Variants in NEB observed in about 807,000 individuals in gnomAD.
NEB encodes nebulin.
Under a neutral mutation model 952.2 loss-of-function variants are expected in NEB, and 512 were observed. That is an observed-to-expected ratio of 0.54 (90% CI 0.50 to 0.58). The LOEUF is 0.58. Ranked by LOEUF, NEB falls within the 20% of genes least tolerant of loss-of-function variation. The probability of loss-of-function intolerance (pLI) is 0.00; values close to 1 mark genes in which losing one functional copy is unlikely to be tolerated. For missense variants in NEB, 8,428 were observed against 9,231.1 expected (o/e 0.91, Z 3.56); for synonymous variants, 2,900 against 3,149.8 (o/e 0.92, Z 2.66).
chr2:151,681,624 A>G (rs2099414489), intron 29 of NEB, among the ~76,000 whole-genome samples: 1 of 152,192 alleles, frequency 6.6e-6, no homozygotes, highest in African/African-American at 2.4e-5. Flanking sequence ...AACACCGAAC[A>G]AGAAGTAAAA....
intron 20 of NEB, among the ~76,000 whole-genome samples, chr2:151,693,270 CTTTTA>C (rs1459334038): frequency 2.0e-5 from 3 of 152,038 alleles, no homozygotes; most frequent in Non-Finnish European, 2.9e-5. Flanking sequence ...TGATTTCCAA[CTTTTA>C]TTTTAAGTTC....
At chr2:151,514,715 C>T in intron 158 of NEB, 103 bp downstream of exon 158, 1 of 839,582 alleles carries the variant, frequency 1.2e-6, no homozygotes, top group Non-Finnish European at 1.8e-6. Context: ...ATTTGAAACC[C>T]ACAGTTAGGT....
rs1347767928 is a variant in NEB, at chr2:151,665,276, T to C, written c.5238+57A>G. The C allele has an allele frequency of 3.9e-6, 6 of 1,526,916 alleles. No individual in the cohort carries two copies. In the East Asian group the frequency reaches 1.4e-4, roughly 35 times the overall value. The allele number at this position is 1,526,916 out of a possible 1,614,324, so 94.6% of individuals were successfully genotyped here. Reference sequence around the variant, plus strand: ...GGAGACGATTGGGGCACTGCCAGGCTCAATGTCATGAACACCATGAGGGTT... The same window carrying C: ...GGAGACGATTGGGGCACTGCCAGGCCCAATGTCATGAACACCATGAGGGTT... On this transcript the variant is annotated intron_variant, in intron 42 of 181. Coordinates refer to ENST00000397345, the MANE Select transcript of NEB (RefSeq NM_001164508.2).
intron 135 of NEB, 136 bp from the exon 136 acceptor site, chr2:151,541,687 C>A (rs2094092459): frequency 4.5e-6 from 3 of 661,898 alleles, no homozygotes; most frequent in Non-Finnish European, 7.9e-6. Context: ...TCCCAATAAA[C>A]CAACCTTTTA....
At chr2:151,711,316 C>T (rs2099744576) in intron 10 of NEB, among the ~76,000 whole-genome samples, 1 of 152,142 alleles carries the variant, frequency 6.6e-6, no homozygotes, top group Non-Finnish European at 1.5e-5. Context: ...TGAGCTAGAG[C>T]CCAAGCTGAG....
intron 67 of NEB, among the ~76,000 whole-genome samples, chr2:151,630,343 T>G (rs1169493510): frequency 2.0e-5 from 3 of 152,208 alleles, no homozygotes; most frequent in Non-Finnish European, 4.4e-5. Flanking sequence ...TCTGCCCCTT[T>G]ACTCTCTCTG....
In NEB at chr2:151,717,015, T is replaced by G. The variant is rs879553089; in HGVS notation, c.822+401A>C. Among the ~76,000 whole-genome samples the G allele has an allele frequency of 6.6e-4, 100 of 152,370 alleles. 1 individual carries two copies. The highest frequency in any genetic ancestry group is 2.4e-3 in the African/African-American group (98 of 41,584). On this transcript the variant is annotated intron_variant, in intron 10 of 181. Transcript: ENST00000397345. ...TAACTAAGCTATGTCTGAGACACAT[T>G]CTTATTTTTCCAAGTGTGACGGATA...
rs1255983264 is a variant in NEB at position 151,710,761 on chromosome 2, C to T, written c.823-223G>A. On this transcript the variant is annotated intron_variant, in intron 10 of 181. Coordinates refer to ENST00000397345, the MANE Select transcript of NEB (RefSeq NM_001164508.2). ...ATGGAGAAAGAGGGTACTAACGCCC[C>T]CTCCCCTTGCTGAGTTTGGGGACTT... Among the ~76,000 whole-genome samples, 5 of 152,128 alleles carry T rather than the reference C, an allele frequency of 3.3e-5. No individual in the cohort carries two copies. The South Asian group carries it at 6.2e-4, about 19-fold the overall frequency.
rs967442647 is a variant in NEB, at chr2:151,727,996, G to C, written c.79-90C>G. The C allele has an allele frequency of 2.0e-5, 20 of 983,458 alleles. No homozygotes were observed. The African/African-American group carries it at 2.6e-4, about 13-fold the overall frequency. 60.9% of individuals were successfully genotyped at this position (983,458 alleles called of 1,614,324 possible). On this transcript the variant is annotated intron_variant, in intron 4 of 181. Coordinates refer to ENST00000397345, the MANE Select transcript of NEB (RefSeq NM_001164508.2). Reference sequence around the variant, plus strand: ...TATATATTAGTCTAACTTCAAGTCAGATATACATTCCTGGTGTTACTTCTC... The same window carrying C: ...TATATATTAGTCTAACTTCAAGTCACATATACATTCCTGGTGTTACTTCTC...
At chr2:151,699,819 T>A (rs1361644050) in intron 13 of NEB, among the ~76,000 whole-genome samples, 1 of 151,006 alleles carries the variant, frequency 6.6e-6, no homozygotes, top group Non-Finnish European at 1.5e-5. Flanking sequence ...AGGTTGCCTG[T>A]TCACTCTGAT....
In NEB at chr2:151,640,644, C is replaced by T. The variant is rs757768909; in HGVS notation, c.8396G>A (p.Arg2799His). ...ASEFKYKEGY[R>H]KQLGHHIGAR... Reference sequence around the variant, plus strand: ...ACCAATGTGGTGGCCGAGCTGCTTACGATAGCCTTCTTTGTACTTGAACTA... The same window carrying T: ...ACCAATGTGGTGGCCGAGCTGCTTATGATAGCCTTCTTTGTACTTGAACTA... Residue 2799 changes from arginine (R) to histidine (H), a missense_variant, in exon 61 of 182, where the codon CGT (arginine) becomes CAT (histidine). Arg to His is a conservative substitution (Grantham distance 29, BLOSUM62 0). Around this residue, in one of 11 missense-constraint regions of NEB, gnomAD observed 1,772 missense variants for 1,960.3 expected, o/e 0.90. Coordinates refer to ENST00000397345, the MANE Select transcript of NEB (RefSeq NM_001164508.2). The T allele has an allele frequency of 1.1e-5, 17 of 1,612,464 alleles. No individual in the cohort carries two copies. Among genetic ancestry groups the T allele is most frequent in the East Asian group, 8.9e-5 (4 of 44,862 alleles).
Position 151,540,420 on chromosome 2 carries a change from A to G in NEB, c.20816T>C (p.Met6939Thr). Residue 6939 changes from methionine to threonine, a missense_variant, in exon 138 of 182, where the codon ATG becomes ACG. Met to Thr is a moderately conservative substitution (Grantham distance 81, BLOSUM62 -1). Around this residue, in one of 11 missense-constraint regions of NEB, gnomAD observed 3,374 missense variants for 3,651.5 expected, o/e 0.92. Transcript: ENST00000397345. ...EKKYKIQYEKMKDKYTPVPDT... is the reference protein window; with the variant it reads ...EKKYKIQYEKTKDKYTPVPDT... ...TGGAACCGGAGTGTACTTGTCTTTC[A>G]TCTTTTCATATTGAATCTTGTACTT... 6.4e-7 allele frequency: 1 copy of G among 1,572,518 alleles called. No individual in the cohort carries two copies. Among genetic ancestry groups the G allele is most frequent in the Non-Finnish European group, 8.6e-7 (1 of 1,156,592 alleles).
At chr2:151,548,686 ATCTT>A (rs1372228563) in intron 130 of NEB, among the ~76,000 whole-genome samples, 2 of 152,240 alleles carry the variant, frequency 1.3e-5, no homozygotes, top group Admixed American at 1.3e-4. Flanking sequence ...CCAGAGAAAA[ATCTT>A]TATTTTTAGC....
In NEB at chr2:151,554,925, A is replaced by G. The variant is rs1559870392; in HGVS notation, c.19428+6T>C. On this transcript the variant is annotated splice_donor_region_variant and intron_variant, in intron 125 of 181. Transcript: ENST00000397345. ...TAGTCATTAAGGGGCGCATGACCGT[A>G]CTTACATCGATGTTAAGCTTGCCAA... is the stretch of plus-strand genomic sequence containing the variant. 5 of 1,592,530 alleles carry G rather than the reference A, an allele frequency of 3.1e-6. No homozygotes were observed. The highest frequency in any genetic ancestry group is 4.3e-6 in the Non-Finnish European group (5 of 1,160,364).
At chr2:151,724,111 C>A in intron 8 of NEB, 149 bp downstream of exon 8, 1 of 673,740 alleles carries the variant, frequency 1.5e-6, no homozygotes, top group Admixed American at 2.7e-5. Context: ...TTTGCCAAGC[C>A]CTATCCCTGC....
intron 107 of NEB, among the ~76,000 whole-genome samples, chr2:151,572,945 T>A (rs1336710308): frequency 6.6e-6 from 1 of 151,368 alleles, no homozygotes; most frequent in African/African-American, 2.4e-5. Flanking sequence ...ATGGGAAAAT[T>A]TCTTAACTTT....
chr2:151,677,895 ATGT>A lies in NEB; in HGVS notation c.3545_3547del (p.Asn1182del), dbSNP rs1553534580. The A allele has an allele frequency of 2.5e-6, 4 of 1,611,372 alleles. No individual in the cohort carries two copies. Among genetic ancestry groups the A allele is most frequent in the Non-Finnish European group, 2.5e-6 (3 of 1,178,260 alleles). On this transcript the variant is annotated inframe_deletion, in exon 33 of 182. Coordinates refer to ENST00000397345, the MANE Select transcript of NEB (RefSeq NM_001164508.2). ...ACTTACATCACTCTGTATCTGCATC[ATGT>A]TCTTAGACAGCTCCAGGTCCATGGC...
Position 151,710,519 on chromosome 2 carries a change from T to G in NEB, c.842A>C (p.Tyr281Ser). The G allele has an allele frequency of 6.2e-7, 1 of 1,606,524 alleles. No individual in the cohort carries two copies. Among genetic ancestry groups the G allele is most frequent in the Non-Finnish European group, 8.5e-7 (1 of 1,175,386 alleles). The change falls in exon 11 of 182, where the codon TAT (tyrosine) becomes TCT (serine). Residue 281 changes from tyrosine to serine, a missense_variant. Tyr to Ser is a moderately radical substitution (Grantham distance 144). Around this residue, in one of 11 missense-constraint regions of NEB, gnomAD observed 2,851 missense variants for 2,791.5 expected, o/e 1.02. Coordinates refer to ENST00000397345, the MANE Select transcript of NEB (RefSeq NM_001164508.2). Reference protein sequence around the residue: ...QVSKQKYKEDYENKIKGKWSE... With the variant: ...QVSKQKYKEDSENKIKGKWSE... ...CCATTTGCCTTTGATTTTATTTTCA[T>G]AGTCTTCTTTGTATTTTTGCTAGAA...
intron 61 of NEB, 147 bp from the exon 62 acceptor site, chr2:151,640,207 G>T: frequency 1.4e-6 from 2 of 1,460,774 alleles, no homozygotes; most frequent in Non-Finnish European, 1.9e-6. Flanking sequence ...TGGTCTGAAG[G>T]GTTAAAGGAT....
Sources: allele counts gnomAD v4.1 joint callset (sites outside exome capture counted in the v4.1 genomes callset), GRCh38; gene constraint gnomAD v4.1.1; regional missense constraint gnomAD v4.1.1; transcripts MANE v1.5; gene names NCBI Gene and HGNC (gene_info 2026-07-23, HGNC 2026-07-21).